Variants in GLYR1 observed in about 807,000 individuals in gnomAD.
GLYR1 encodes glyoxylate reductase 1 homolog, also known as cytokine-like nuclear factor N-PAC.
In GLYR1, 21 loss-of-function variants were observed where a neutral mutation model predicts 72.7. The observed-to-expected ratio is 0.29, with a 90% CI of 0.20 to 0.42. GLYR1 has a LOEUF of 0.42. GLYR1 is among the 10% of genes least tolerant of loss of function. The pLI, the probability that GLYR1 is intolerant of heterozygous loss-of-function variation, is 1.00. For missense variants in GLYR1, 594 were observed against 712.1 expected (o/e 0.83, Z 1.89); for synonymous variants, 392 against 270.2 (o/e 1.45, Z -4.42).
chr16:4,815,112 CTTTTT>C (rs111782324), intron 10 of GLYR1, among the ~76,000 whole-genome samples: 3 of 144,920 alleles, frequency 2.1e-5, no homozygotes, highest in Admixed American at 6.9e-5. Flanking sequence ...ACCATTTTGG[CTTTTT>C]TTTTTTGAGA....
intron 12 of GLYR1, among the ~76,000 whole-genome samples, chr16:4,812,532 G>A (rs544836100): frequency 4.1e-4 from 62 of 150,526 alleles, no homozygotes; most frequent in African/African-American, 1.3e-3. Flanking sequence ...TCTCGCTGTC[G>A]CCCAGGCTGG....
chr16:4,821,509 G>T, intron 8 of GLYR1, 38 bp downstream of exon 8: 1 of 1,613,628 alleles, frequency 6.2e-7, no homozygotes, highest in Non-Finnish European at 8.5e-7. Flanking sequence ...TAAGGCCCCA[G>T]GTGAAAATTA....
chr16:4,809,128 T>C (rs1339358242), intron 15 of GLYR1, among the ~76,000 whole-genome samples: 1 of 150,018 alleles, frequency 6.7e-6, no homozygotes, highest in Non-Finnish European at 1.5e-5. Flanking sequence ...AGAGAGGAAA[T>C]GGATGGAAAA....
At position 4,831,265 on chromosome 16, in the gene GLYR1, T is replaced by C. The variant is rs1035430461; in HGVS notation, c.537+714A>G. The stretch of plus-strand genomic sequence containing the variant: ...TGAATGCACGCCTAGACTTACCTCC[T>C]AATTGGCTCTGAGACTTTCCCCTCT... On this transcript the variant is annotated intron_variant, in intron 5 of 15. Coordinates refer to ENST00000321919, the MANE Select transcript of GLYR1 (RefSeq NM_032569.4). 3.9e-5 allele frequency among the ~76,000 whole-genome samples: 6 copies of C among 152,266 alleles called. No homozygotes were observed. The East Asian group carries it at 7.7e-4, about 20-fold the overall frequency.
chr16:4,805,118 A>G lies in GLYR1; in HGVS notation c.*118T>C, dbSNP rs965950330. The G allele has an allele frequency of 8.5e-6, 7 of 823,014 alleles. No homozygotes were observed. The African/African-American group carries it at 1.0e-4, about 12-fold the overall frequency. 51.0% of individuals were successfully genotyped at this position (823,014 alleles called of 1,614,324 possible). A position where few individuals can be genotyped will look rare whatever the true frequency, so the allele number is the denominator to read the frequency against. On this transcript the variant is annotated 3_prime_UTR_variant, in exon 16 of 16. Transcript: ENST00000321919. ...GCTGATGGCAAGTCTCAAAGTCTGTATAAAAGGAAATGGAGATAGGTGGGC... is the reference window on the plus strand; with the variant it reads ...GCTGATGGCAAGTCTCAAAGTCTGTGTAAAAGGAAATGGAGATAGGTGGGC...
At chr16:4,812,369 G>C (rs1325959464) in intron 12 of GLYR1, 121 bp from the exon 13 acceptor site, 5 of 1,068,772 alleles carry the variant, frequency 4.7e-6, no homozygotes, top group African/African-American at 1.6e-5. Context: ...GGAGGGGACG[G>C]CCACCCATAC....
intron 1 of GLYR1, chr16:4,846,765 G>T: frequency 4.2e-6 from 1 of 237,226 alleles, no homozygotes; most frequent in Non-Finnish European, 8.4e-6. Flanking sequence ...AACGCCAGCA[G>T]TCCGGTTTAG....
chr16:4,835,546 C>G (rs2085073573), intron 3 of GLYR1, among the ~76,000 whole-genome samples: 1 of 152,158 alleles, frequency 6.6e-6, no homozygotes, highest in African/African-American at 2.4e-5. Flanking sequence ...AAAAAACCAG[C>G]TTGGCTGGGC....
intron 3 of GLYR1, chr16:4,843,616 A>G: frequency 7.8e-7 from 1 of 1,289,148 alleles, no homozygotes; most frequent in Non-Finnish European, 1.0e-6. Flanking sequence ...TAAACATGAA[A>G]CCAGGAAGAG....
At position 4,847,102 on chromosome 16, in the gene GLYR1, C is replaced by T. The variant is rs111601308; in HGVS notation, c.38+126G>A. 294 of 910,526 alleles carry T rather than the reference C, an allele frequency of 3.2e-4. 1 individual carries two copies. Among genetic ancestry groups the T allele is most frequent in the Non-Finnish European group, 4.5e-4 (269 of 591,262 alleles). 56.4% of individuals were successfully genotyped at this position (910,526 alleles called of 1,614,324 possible). On this transcript the variant is annotated intron_variant, in intron 1 of 15. Transcript: ENST00000321919. ...CTGGCGCCGCTCGCAAGCGCCGGCA[C>T]CTTCTCTTCCCCTCTCTCCGCGACC...
In GLYR1 at chr16:4,804,900, G is replaced by C. The variant is rs2082879774; in HGVS notation, c.*336C>G. 26 of 328,294 alleles carry C rather than the reference G, an allele frequency of 7.9e-5. No homozygotes were observed. In the South Asian group the frequency reaches 1.7e-3, roughly 22 times the overall value. The allele number at this position is 328,294 out of a possible 1,614,324, so 20.3% of individuals were successfully genotyped here. On this transcript the variant is annotated 3_prime_UTR_variant, in exon 16 of 16. Coordinates refer to ENST00000321919, the MANE Select transcript of GLYR1 (RefSeq NM_032569.4). ...TCGGAAGAAAAAAAGCCAGGCAGCA[G>C]TTTCTGGGCAGCTTCTATCCTGGGG...
rs896756785 is a variant in GLYR1 at position 4,804,988 on chromosome 16, G to A, written c.*248C>T. The A allele has an allele frequency of 4.3e-5, 23 of 531,388 alleles. No individual in the cohort carries two copies. Among genetic ancestry groups the A allele is most frequent in the Non-Finnish European group, 6.9e-5 (20 of 291,324 alleles). 32.9% of individuals were successfully genotyped at this position (531,388 alleles called of 1,614,324 possible). ...GTGTGTGTGAACACACAGCCACCTC[G>A]TCCGGGGGGCCAGTGCCCAGCTCAA... On this transcript the variant is annotated 3_prime_UTR_variant, in exon 16 of 16. Coordinates refer to ENST00000321919, the MANE Select transcript of GLYR1 (RefSeq NM_032569.4).
rs1170855515 is a variant in GLYR1 at position 4,807,714 on chromosome 16, T to TG, written c.1588-2405_1588-2404insC. On this transcript the variant is annotated intron_variant, in intron 15 of 15. Coordinates refer to ENST00000321919, the MANE Select transcript of GLYR1 (RefSeq NM_032569.4). ...GGGTGGAGGCAACTTGGAAGTCACT[T>TG]CAAAGAGAAGCTTTCCCAGCCCAAG... Among the ~76,000 whole-genome samples, 5 of 152,148 alleles carry TG rather than the reference T, an allele frequency of 3.3e-5. No individual in the cohort carries two copies. The East Asian group carries it at 9.6e-4, about 29-fold the overall frequency.
chr16:4,811,221 C>T lies in GLYR1; in HGVS notation c.1536G>A (p.Ala512=), dbSNP rs375088153. 23 of 1,614,176 alleles carry T rather than the reference C, an allele frequency of 1.4e-5. No individual in the cohort carries two copies. Among genetic ancestry groups the T allele is most frequent in the East Asian group, 8.9e-5 (4 of 44,892 alleles). ...TCGGATGGTTGACCGCATCACCCAG[C>T]GCAATGGCTAAGCGGAGATCCTTCT... ...YIQKDLRLAI[A]LGDAVNHPTP... The change falls in exon 15 of 16, where the codon GCG becomes GCA. Residue 512 remains alanine (A), a synonymous_variant. Transcript: ENST00000321919.
chr16:4,830,169 T>G (rs1301417816), intron 5 of GLYR1, among the ~76,000 whole-genome samples: 1 of 149,984 alleles, frequency 6.7e-6, no homozygotes, highest in Non-Finnish European at 1.5e-5. Context: ...CACCTCAGCC[T>G]CCGAAAATGC....
intron 15 of GLYR1, among the ~76,000 whole-genome samples, chr16:4,808,252 A>T: frequency 6.6e-6 from 1 of 151,508 alleles, no homozygotes; most frequent in East Asian, 2.0e-4. Flanking sequence ...AAAAAAAAAA[A>T]AAAATACAAT....
intron 7 of GLYR1, 97 bp from the exon 8 acceptor site, chr16:4,821,694 A>C: frequency 9.2e-7 from 1 of 1,092,648 alleles, no homozygotes; most frequent in Non-Finnish European, 1.4e-6. Context: ...GTGGGAAGTT[A>C]ACATCAACTA....
At chr16:4,828,280 AG>A (rs1340548652) in intron 5 of GLYR1, among the ~76,000 whole-genome samples, 1 of 151,940 alleles carries the variant, frequency 6.6e-6, no homozygotes, top group African/African-American at 2.4e-5. Context: ...CGTGTTAGCC[AG>A]GATGGTCTCC....
intron 5 of GLYR1, among the ~76,000 whole-genome samples, chr16:4,824,865 A>T (rs1467151446): frequency 6.6e-6 from 1 of 151,882 alleles, no homozygotes; most frequent in Non-Finnish European, 1.5e-5. Context: ...GGCCCTCTTG[A>T]CACCCCCTGC....
Sources: allele counts gnomAD v4.1 joint callset (sites outside exome capture counted in the v4.1 genomes callset), GRCh38; gene constraint gnomAD v4.1.1; transcripts MANE v1.5; gene names NCBI Gene and HGNC (gene_info 2026-07-23, HGNC 2026-07-21).